FCGR2B: variants seen among roughly 807,000 people sequenced by gnomAD.
The protein encoded by FCGR2B is low affinity immunoglobulin gamma Fc region receptor II-b.
In FCGR2B, 18 loss-of-function variants were observed where a neutral mutation model predicts 24.8. That is an observed-to-expected ratio of 0.73 (90% CI 0.50 to 1.08). The LOEUF (loss-of-function observed/expected upper bound fraction) is 1.08, where lower values mean the gene tolerates loss of function less well. FCGR2B is among the 50% of genes least tolerant of loss of function. The pLI, the probability that FCGR2B is intolerant of heterozygous loss-of-function variation, is 0.00. For synonymous variants in FCGR2B, 79 were observed against 109.8 expected (o/e 0.72, Z 1.75); for missense variants, 215 against 297.6 (o/e 0.72, Z 2.04).
intron 5 of FCGR2B, chr1:161,674,905 T>C: frequency 5.1e-6 from 1 of 195,354 alleles, no homozygotes; most frequent in Non-Finnish European, 1.0e-5. Flanking sequence ...TTTCAATTGG[T>C]TCATAGCCAA....
the FCGR2B span, among the ~76,000 whole-genome samples, chr1:161,653,198 G>A: frequency 7.5e-6 from 1 of 133,600 alleles, no homozygotes; most frequent in Admixed American, 8.3e-5. Context: ...GAGGTCAGAA[G>A]TTCGAGACCA....
At chr1:161,651,706 G>T in the FCGR2B span, among the ~76,000 whole-genome samples, 5 of 120,720 alleles carry the variant, frequency 4.1e-5, 1 homozygote, top group African/African-American at 5.5e-5. Context: ...GAGGCCGAGG[G>T]GGGTGGATCA....
At position 161,669,464 on chromosome 1, in the gene FCGR2B, G is replaced by A. The variant is rs1052428598; in HGVS notation, c.113-788G>A. On this transcript the variant is annotated intron_variant, in intron 1 of 7. Transcript: ENST00000358671. ...CGCGGGCCTGTAATCCCAGCTCTTG[G>A]GAGGCTGAGGCAGGTGAATCACTTG... Among the ~76,000 whole-genome samples, 9 of 140,522 alleles carry A rather than the reference G, an allele frequency of 6.4e-5. 3 individuals are homozygous for A. Among genetic ancestry groups the A allele is most frequent in the Non-Finnish European group, 1.1e-4 (7 of 62,014 alleles). 92.2% of individuals were successfully genotyped at this position (140,522 alleles called of 152,430 possible). A position where few individuals can be genotyped will look rare whatever the true frequency, so the allele number is the denominator to read the frequency against.
chr1:161,675,096 G>A (rs376905165), intron 5 of FCGR2B, 161 bp from the exon 6 acceptor site: 90 of 562,700 alleles, frequency 1.6e-4, no homozygotes, highest in African/African-American at 3.4e-4. Context: ...TTTTCCAGGC[G>A]GGAGCAGCCT....
At chr1:161,661,263 G>GA (rs1557895346), upstream of FCGR2B, among the ~76,000 whole-genome samples, 48 of 18,716 alleles carry the variant, frequency 2.6e-3, 1 homozygote, top group Non-Finnish European at 5.9e-3. Flanking sequence ...AGAAAGAAAG[G>GA]AAGGAAGCAA....
At chr1:161,670,996 C>A (rs1363663694) in intron 2 of FCGR2B, among the ~76,000 whole-genome samples, 1 of 151,564 alleles carries the variant, frequency 6.6e-6, no homozygotes, top group African/African-American at 2.4e-5. Flanking sequence ...CCACTAGTGT[C>A]TAAATGCCTT....
intron 1 of FCGR2B, among the ~76,000 whole-genome samples, chr1:161,669,622 A>G (rs1273113848): frequency 7.3e-6 from 1 of 137,504 alleles, no homozygotes; most frequent in Non-Finnish European, 1.6e-5. Flanking sequence ...AATAAAATAA[A>G]ATGACAACAT....
chr1:161,649,390 C>A, the FCGR2B span, among the ~76,000 whole-genome samples: 50 of 150,976 alleles, frequency 3.3e-4, 1 homozygote, highest in Non-Finnish European at 6.5e-4. Context: ...CTGAAAATTT[C>A]TTGAGCCATT....
At chr1:161,655,916 C>T in the FCGR2B span, among the ~76,000 whole-genome samples, 7 of 95,126 alleles carry the variant, frequency 7.4e-5, no homozygotes, top group African/African-American at 2.0e-4. Flanking sequence ...AGTGCAATGG[C>T]GTGATCTCGG....
At chr1:161,675,030 T>G (rs1160477832) in intron 5 of FCGR2B, 4 of 511,986 alleles carry the variant, frequency 7.8e-6, no homozygotes, top group Non-Finnish European at 1.4e-5. Flanking sequence ...GCGTGGACTT[T>G]CTGACACTCC....
the FCGR2B span, among the ~76,000 whole-genome samples, chr1:161,654,450 C>T: frequency 6.6e-5 from 9 of 136,770 alleles, 1 homozygote; most frequent in Middle Eastern, 4.0e-3. Flanking sequence ...GCCCTTCTTC[C>T]AGTGATTTAA....
At chr1:161,653,115 G>T in the FCGR2B span, among the ~76,000 whole-genome samples, 1 of 134,178 alleles carries the variant, frequency 7.5e-6, no homozygotes, top group Non-Finnish European at 1.7e-5. Context: ...AATAAGGAGA[G>T]AAATCTGGCT....
intron 6 of FCGR2B, chr1:161,675,730 A>T (rs918626041): frequency 2.5e-4 from 59 of 236,258 alleles, no homozygotes; most frequent in Non-Finnish European, 7.5e-5. Context: ...AGGCCTGGAA[A>T]CCCCTTGATT....
chr1:161,653,072 G>A, the FCGR2B span, among the ~76,000 whole-genome samples: 12 of 134,024 alleles, frequency 9.0e-5, 1 homozygote, highest in African/African-American at 2.6e-4. Flanking sequence ...AGGTTTATCT[G>A]TTGTGAAATT....
At chr1:161,649,107 G>A in the FCGR2B span, among the ~76,000 whole-genome samples, 1 of 150,782 alleles carries the variant, frequency 6.6e-6, no homozygotes, top group East Asian at 1.9e-4. Flanking sequence ...CCTAAAAAAT[G>A]GAACTCTAAA....
At chr1:161,647,461 C>G in the FCGR2B span, among the ~76,000 whole-genome samples, 1 of 150,334 alleles carries the variant, frequency 6.7e-6, no homozygotes, top group Non-Finnish European at 1.5e-5. Flanking sequence ...CCAGCATGCC[C>G]GTCTAATTTT....
the FCGR2B span, among the ~76,000 whole-genome samples, chr1:161,648,186 C>T: frequency 6.7e-6 from 1 of 148,706 alleles, no homozygotes; most frequent in South Asian, 2.2e-4. Context: ...CACATAGCAT[C>T]CTGTGCCGTG....
At chr1:161,675,013 TGCCATGGC>T in intron 5 of FCGR2B, 1 of 493,480 alleles carries the variant, frequency 2.0e-6, no homozygotes, top group Non-Finnish European at 3.6e-6. Context: ...CTCAGACAGA[TGCCATGGC>T]GTGGACTTTC....
chr1:161,647,930 T>G, the FCGR2B span, among the ~76,000 whole-genome samples: 11 of 151,026 alleles, frequency 7.3e-5, no homozygotes, highest in African/African-American at 2.7e-4. Flanking sequence ...CAGCGACTCG[T>G]AGACGACCCT....
Sources: allele counts gnomAD v4.1 joint callset (sites outside exome capture counted in the v4.1 genomes callset), GRCh38; gene constraint gnomAD v4.1.1; transcripts MANE v1.5; gene names NCBI Gene and HGNC (gene_info 2026-07-23, HGNC 2026-07-21).